The following MEIS1 variants were observed in gnomAD, a reference collection of about 807,000 sequenced individuals.
MEIS1 encodes Meis homeobox 1, also known as homeobox protein Meis1.
A neutral mutation model predicts 50.8 loss-of-function variants in MEIS1; 5 were observed. The observed-to-expected ratio is 0.10, with a 90% confidence interval of 0.05 to 0.21. The LOEUF (loss-of-function observed/expected upper bound fraction) is 0.21. MEIS1 is among the 10% of genes least tolerant of loss of function. The pLI is 1.00. For missense variants in MEIS1, 318 were observed against 517.3 expected (o/e 0.61, Z 3.74); for synonymous variants, 176 against 179.3 (o/e 0.98, Z 0.15).
At chr2:66,445,090 G>A (rs994273992) in intron 6 of MEIS1, 10 of 152,138 alleles carry the variant, frequency 6.6e-5, no homozygotes, top group South Asian at 2.1e-4. Context: ...TGCAAATATT[G>A]GTATGCAATT....
intron 9 of MEIS1, among the ~76,000 whole-genome samples, chr2:66,566,662 A>C (rs755978936): frequency 2.0e-5 from 3 of 152,158 alleles, no homozygotes; most frequent in Non-Finnish European, 4.4e-5. Context: ...ATAATTGTAC[A>C]AAACTATCTT....
At chr2:66,511,491 T>A in intron 7 of MEIS1, among the ~76,000 whole-genome samples, 1 of 152,240 alleles carries the variant, frequency 6.6e-6, no homozygotes, top group East Asian at 1.9e-4. Flanking sequence ...AATTTACTAT[T>A]AATTTAGCAT....
At chr2:66,475,325 AT>A (rs996889531) in intron 7 of MEIS1, among the ~76,000 whole-genome samples, 13 of 146,486 alleles carry the variant, frequency 8.9e-5, no homozygotes, top group African/African-American at 3.0e-4. Flanking sequence ...TAAATAACAT[AT>A]TTATATATTG....
At chr2:66,537,369 G>C (rs1196752267) in intron 8 of MEIS1, among the ~76,000 whole-genome samples, 1 of 152,112 alleles carries the variant, frequency 6.6e-6, no homozygotes, top group Non-Finnish European at 1.5e-5. Context: ...AGCAGGTGTG[G>C]AGCAGCCAGA....
intron 7 of MEIS1, among the ~76,000 whole-genome samples, chr2:66,481,438 C>G (rs949861972): frequency 5.9e-5 from 9 of 152,228 alleles, no homozygotes; most frequent in African/African-American, 2.2e-4. Context: ...CTGGACTTAT[C>G]TGGGTTGAGC....
intron 6 of MEIS1, among the ~76,000 whole-genome samples, chr2:66,453,644 A>C (rs1021977018): frequency 1.3e-5 from 2 of 152,130 alleles, no homozygotes; most frequent in African/African-American, 2.4e-5. Context: ...CACTTAAAAC[A>C]CAAAATGTTG....
chr2:66,449,822 C>A (rs1389882670), intron 6 of MEIS1, among the ~76,000 whole-genome samples: 1 of 152,104 alleles, frequency 6.6e-6, no homozygotes, highest in Non-Finnish European at 1.5e-5. Context: ...AAGGAAAATA[C>A]AAGAGTGCAA....
chr2:66,504,320 G>A (rs758648670), intron 7 of MEIS1, among the ~76,000 whole-genome samples: 1 of 151,760 alleles, frequency 6.6e-6, no homozygotes, highest in Non-Finnish European at 1.5e-5. Context: ...TGCAGCCTCC[G>A]CCTCCTGGGT....
chr2:66,441,634 A>C (rs1255477447), intron 5 of MEIS1, 170 bp downstream of exon 5: 3 of 581,248 alleles, frequency 5.2e-6, no homozygotes, highest in Non-Finnish European at 8.7e-6. Flanking sequence ...TCGCAGTTTA[A>C]TTACAATTTC....
chr2:66,512,379 C>T (rs551627012), intron 8 of MEIS1, 85 bp downstream of exon 8: 33 of 1,389,388 alleles, frequency 2.4e-5, no homozygotes, highest in Admixed American at 3.2e-5. Flanking sequence ...AAAGTGATCC[C>T]TCTGGACTTG....
At chr2:66,536,104 T>C (rs995358699) in intron 8 of MEIS1, among the ~76,000 whole-genome samples, 3 of 152,168 alleles carry the variant, frequency 2.0e-5, no homozygotes, top group Non-Finnish European at 4.4e-5. Context: ...CTCTCACAGC[T>C]TATAAAAATG....
intron 1 of MEIS1, among the ~76,000 whole-genome samples, chr2:66,436,258 C>T (rs539487408): frequency 3.3e-5 from 5 of 152,146 alleles, no homozygotes; most frequent in Non-Finnish European, 7.3e-5. Flanking sequence ...TGATTATGCT[C>T]ATCTTTAATA....
At chr2:66,504,850 A>G (rs1673649916) in intron 7 of MEIS1, among the ~76,000 whole-genome samples, 1 of 152,114 alleles carries the variant, frequency 6.6e-6, no homozygotes, top group Admixed American at 6.5e-5. Context: ...AACCGCTTCA[A>G]ATTTTCCAGG....
intron 9 of MEIS1, among the ~76,000 whole-genome samples, chr2:66,559,413 C>T (rs978738959): frequency 3.3e-5 from 5 of 152,118 alleles, no homozygotes; most frequent in South Asian, 4.1e-4. Context: ...ATCTGCTCAT[C>T]ATATTTATAA....
intron 8 of MEIS1, among the ~76,000 whole-genome samples, chr2:66,546,942 C>T (rs775598707): frequency 6.6e-6 from 1 of 152,020 alleles, no homozygotes; most frequent in African/African-American, 2.4e-5. Flanking sequence ...ATTTAGTTTC[C>T]ATGGCACAGA....
intron 8 of MEIS1, among the ~76,000 whole-genome samples, chr2:66,524,453 T>C (rs1558549994): frequency 6.6e-6 from 1 of 151,960 alleles, no homozygotes; most frequent in East Asian, 1.9e-4. Context: ...TCCCAGCTAC[T>C]TGGGAGGAGG....
chr2:66,562,160 T>G (rs1015631063), intron 9 of MEIS1: 3 of 147,718 alleles, frequency 2.0e-5, no homozygotes, highest in Non-Finnish European at 3.0e-5. Flanking sequence ...GAAACTACCT[T>G]GTGTTTTGGC....
chr2:66,526,150 A>G (rs1486455893), intron 8 of MEIS1, among the ~76,000 whole-genome samples: 2 of 152,220 alleles, frequency 1.3e-5, no homozygotes, highest in African/African-American at 4.8e-5. Context: ...TCTGAAAAGT[A>G]TATTTCCTCC....
intron 6 of MEIS1, among the ~76,000 whole-genome samples, chr2:66,444,525 G>C (rs780440200): frequency 1.1e-4 from 16 of 152,236 alleles, no homozygotes; most frequent in Admixed American, 2.0e-4. Flanking sequence ...GTGCCAATGC[G>C]CCGGGTCCGC....
Sources: gnomAD v4.1 joint callset for allele counts (sites outside exome capture counted in the v4.1 genomes callset) on GRCh38, gnomAD v4.1.1 for gene constraint, MANE v1.5 for transcripts, NCBI Gene and HGNC (gene_info 2026-07-23, HGNC 2026-07-21) for gene names.